Variants in PDS5B observed in about 807,000 individuals in gnomAD.
PDS5B encodes the protein PDS5 cohesin associated factor B.
A neutral mutation model predicts 184.1 loss-of-function variants in PDS5B; 51 were observed. The ratio of observed to expected loss-of-function variants is 0.28; its 90% CI spans 0.22 to 0.35. The LOEUF (loss-of-function observed/expected upper bound fraction) is 0.35. Ranked by LOEUF, PDS5B falls within the 10% of genes least tolerant of loss-of-function variation. The pLI is 1.00. For missense variants in PDS5B, 1,180 were observed against 1,723.3 expected (o/e 0.68, Z 5.58); for synonymous variants, 566 against 569.2 (o/e 0.99, Z 0.08).
intron 1 of PDS5B, among the ~76,000 whole-genome samples, chr13:32,629,590 C>G (rs1210370819): frequency 6.6e-6 from 1 of 152,230 alleles, no homozygotes; most frequent in African/African-American, 2.4e-5. Context: ...TAAAGCTTCA[C>G]TTCTCCTCAA....
chr13:32,772,507 GT>G (rs1400785992), intron 33 of PDS5B, among the ~76,000 whole-genome samples: 2 of 152,146 alleles, frequency 1.3e-5, no homozygotes, highest in Admixed American at 1.3e-4. Flanking sequence ...TATATTTGAA[GT>G]TTCTGAAGTG....
chr13:32,699,879 G>A lies in PDS5B; in HGVS notation c.1740+10G>A, dbSNP rs1418118180. The A allele has an allele frequency of 6.5e-7, 1 of 1,539,508 alleles. No individual in the cohort carries two copies. The highest frequency in any genetic ancestry group is 8.7e-7 in the Non-Finnish European group (1 of 1,153,360). ...GGCTGAAGGTTGTGTGGTAAGGAGA[G>A]AAAAGAGCTGATGTTTGAAAAAGCC... is the stretch of plus-strand genomic sequence containing the variant. On this transcript the variant is annotated intron_variant, in intron 16 of 34. Coordinates refer to ENST00000315596, the MANE Select transcript of PDS5B (RefSeq NM_015032.4).
chr13:32,708,730 CCCTATGGTCATTTTTAT>C (rs1466907675), intron 18 of PDS5B, among the ~76,000 whole-genome samples: 1 of 151,978 alleles, frequency 6.6e-6, no homozygotes, highest in Non-Finnish European at 1.5e-5. Context: ...TTTGTGTTTT[CCCTATGGTCATTTTTAT>C]CCTTTGCTCA....
intron 21 of PDS5B, among the ~76,000 whole-genome samples, chr13:32,738,147 C>T (rs1953404171): frequency 6.6e-6 from 1 of 152,118 alleles, no homozygotes; most frequent in South Asian, 2.1e-4. Flanking sequence ...ATTTCCATTT[C>T]TTTACTCTTT....
Position 32,665,808 on chromosome 13 carries a change from A to G in PDS5B, c.625-1956A>G, listed in dbSNP as rs543440505. On this transcript the variant is annotated intron_variant, in intron 6 of 34. Coordinates refer to ENST00000315596, the MANE Select transcript of PDS5B (RefSeq NM_015032.4). ...TAAAGAAATTGTGGTATATGTATAC[A>G]ATGGAATATTATTCCAGCCATAAAA... Among the ~76,000 whole-genome samples, 11 of 152,256 alleles carry G rather than the reference A, an allele frequency of 7.2e-5. No individual in the cohort carries two copies. In the East Asian group the frequency reaches 2.1e-3, roughly 29 times the overall value.
intron 3 of PDS5B, among the ~76,000 whole-genome samples, chr13:32,652,880 G>T (rs1490413654): frequency 6.6e-6 from 1 of 152,138 alleles, no homozygotes; most frequent in East Asian, 1.9e-4. Flanking sequence ...AAGATGAGAA[G>T]GGGAATAGCA....
intron 6 of PDS5B, among the ~76,000 whole-genome samples, chr13:32,663,927 G>T (rs1279603995): frequency 6.6e-6 from 1 of 152,082 alleles, no homozygotes; most frequent in Non-Finnish European, 1.5e-5. Flanking sequence ...GTGCCTTTGT[G>T]TACCTATAGT....
intron 34 of PDS5B, 122 bp from the exon 35 acceptor site, chr13:32,774,895 A>T: frequency 2.1e-6 from 2 of 951,702 alleles, no homozygotes; most frequent in Non-Finnish European, 3.3e-6. Context: ...AAAAAGTTTC[A>T]GGGAAAGGAA....
intron 8 of PDS5B, among the ~76,000 whole-genome samples, chr13:32,673,563 TGATTA>T (rs1950990766): frequency 6.6e-6 from 1 of 152,180 alleles, no homozygotes; most frequent in South Asian, 2.1e-4. Context: ...GTTTAATAAA[TGATTA>T]GCAAGATGGT....
chr13:32,593,011 T>A (rs1169083543), intron 1 of PDS5B, among the ~76,000 whole-genome samples: 1 of 152,158 alleles, frequency 6.6e-6, no homozygotes, highest in African/African-American at 2.4e-5. Flanking sequence ...CACAATTCAT[T>A]ATTTTTTAGG....
At chr13:32,605,492 CTA>C (rs1460984629) in intron 1 of PDS5B, among the ~76,000 whole-genome samples, 8 of 152,110 alleles carry the variant, frequency 5.3e-5, no homozygotes, top group African/African-American at 1.9e-4. Context: ...TTACTTCCAA[CTA>C]TGTGGTCAAT....
At chr13:32,685,701 A>G (rs1408730298) in intron 11 of PDS5B, among the ~76,000 whole-genome samples, 2 of 152,190 alleles carry the variant, frequency 1.3e-5, no homozygotes, top group Non-Finnish European at 2.9e-5. Flanking sequence ...GCTGGAGTGC[A>G]GTGGTGCCAT....
At chr13:32,666,647 T>C (rs545712544) in intron 6 of PDS5B, among the ~76,000 whole-genome samples, 1 of 152,238 alleles carries the variant, frequency 6.6e-6, no homozygotes, top group East Asian at 1.9e-4. Flanking sequence ...ACCATAAATA[T>C]TGTGAAAAGA....
intron 7 of PDS5B, among the ~76,000 whole-genome samples, chr13:32,672,746 C>T (rs972515012): frequency 6.6e-6 from 1 of 152,168 alleles, no homozygotes; most frequent in Admixed American, 6.5e-5. Flanking sequence ...ATTGGGCCTT[C>T]CAGCCTATTT....
At chr13:32,692,442 T>G (rs1366834379) in intron 13 of PDS5B, among the ~76,000 whole-genome samples, 2 of 136,888 alleles carry the variant, frequency 1.5e-5, no homozygotes, top group African/African-American at 2.7e-5. Flanking sequence ...TTTTTTTTTT[T>G]GAGATAGAGT....
intron 14 of PDS5B, 50 bp from the exon 15 acceptor site, chr13:32,696,804 G>A (rs772636053): frequency 3.7e-6 from 5 of 1,362,160 alleles, no homozygotes; most frequent in African/African-American, 2.9e-5. Context: ...GTATGATGAA[G>A]TTTTCTTGTT....
At position 32,758,644 on chromosome 13, in the gene PDS5B, A is replaced by G. The variant is rs765759745; in HGVS notation, c.3300A>G (p.Gln1100=). 2 of 1,613,638 alleles carry G rather than the reference A, an allele frequency of 1.2e-6. No individual in the cohort carries two copies. Among genetic ancestry groups the G allele is most frequent in the Admixed American group, 1.7e-5 (1 of 60,012 alleles). ...TACTACCAGCTCGTTTCTTCACTCA[A>G]CCTGACAAGGTAGTTACTTTACAAT... ...DPVLPARFFT[Q]PDKNFSNTKN... is the part of the protein sequence containing the mutation. Residue 1100 remains glutamine, a synonymous_variant, in exon 28 of 35, where the codon CAA becomes CAG. Transcript: ENST00000315596.
intron 3 of PDS5B, 88 bp downstream of exon 3, chr13:32,652,095 T>A: frequency 1.1e-6 from 1 of 894,440 alleles, no homozygotes; most frequent in Non-Finnish European, 1.8e-6. Context: ...TTTAGATGAT[T>A]TCCTTGGATT....
intron 1 of PDS5B, among the ~76,000 whole-genome samples, chr13:32,594,600 C>A (rs1233003302): frequency 6.6e-6 from 1 of 152,154 alleles, no homozygotes; most frequent in African/African-American, 2.4e-5. Flanking sequence ...CTTGAAGGAG[C>A]AACCATTTTG....
Sources: allele counts gnomAD v4.1 joint callset (sites outside exome capture counted in the v4.1 genomes callset), GRCh38; gene constraint gnomAD v4.1.1; transcripts MANE v1.5; gene names NCBI Gene and HGNC (gene_info 2026-07-23, HGNC 2026-07-21).